Variants in OSBPL9 observed in about 807,000 individuals in gnomAD.
The protein encoded by OSBPL9 is oxysterol binding protein like 9.
OSBPL9 carries 40 observed loss-of-function variants against 106.6 expected under a neutral mutation model. That is an observed-to-expected ratio of 0.38 (90% CI 0.29 to 0.49). The LOEUF (loss-of-function observed/expected upper bound fraction) is 0.49. OSBPL9 is among the 20% of genes least tolerant of loss of function. OSBPL9 has a pLI of 0.97. For missense variants in OSBPL9, 609 were observed against 887.2 expected, an observed-to-expected ratio of 0.69 and a Z score of 3.98; for synonymous variants, 269 against 295.4, an observed-to-expected ratio of 0.91 and a Z score of 0.92.
intron 1 of OSBPL9, among the ~76,000 whole-genome samples, chr1:51,644,300 A>G (rs181943940): frequency 6.6e-6 from 1 of 152,184 alleles, no homozygotes; most frequent in South Asian, 2.1e-4. Flanking sequence ...AGACAGGATC[A>G]CGAGTTAGTT....
At chr1:51,757,749 A>AAAT (rs1670645006) in intron 9 of OSBPL9, among the ~76,000 whole-genome samples, 2 of 152,148 alleles carry the variant, frequency 1.3e-5, no homozygotes. Flanking sequence ...GCTTGGGTTC[A>AAAT]AATAAAATAG....
intron 1 of OSBPL9, among the ~76,000 whole-genome samples, chr1:51,593,910 A>ACACACG (rs1645288112): frequency 6.8e-6 from 1 of 147,436 alleles, no homozygotes; most frequent in Non-Finnish European, 1.5e-5. Context: ...GATTTCACAC[A>ACACACG]CACACACACA....
At chr1:51,604,448 C>T (rs534759356) in intron 2 of OSBPL9, among the ~76,000 whole-genome samples, 12 of 151,456 alleles carry the variant, frequency 7.9e-5, no homozygotes, top group East Asian at 5.9e-4. Flanking sequence ...CCCAGCTGCT[C>T]GGGAGGCTGA....
the OSBPL9 span, among the ~76,000 whole-genome samples, chr1:51,536,140 A>G: frequency 9.2e-5 from 14 of 152,312 alleles, no homozygotes; most frequent in African/African-American, 2.9e-4. Flanking sequence ...AAATCCAGAA[A>G]TTTTAAATTG....
At chr1:51,522,792 T>A in the OSBPL9 span, among the ~76,000 whole-genome samples, 1 of 152,188 alleles carries the variant, frequency 6.6e-6, no homozygotes, top group Non-Finnish European at 1.5e-5. Context: ...GTATGGATGG[T>A]TTAAGGATTA....
chr1:51,727,318 A>G (rs1163012849), intron 4 of OSBPL9, among the ~76,000 whole-genome samples: 1 of 152,060 alleles, frequency 6.6e-6, no homozygotes, highest in Non-Finnish European at 1.5e-5. Flanking sequence ...CCCCTCCACC[A>G]TTGTTTATAG....
At chr1:51,661,205 G>A (rs1210509873) in intron 2 of OSBPL9, among the ~76,000 whole-genome samples, 8 of 152,108 alleles carry the variant, frequency 5.3e-5, no homozygotes, top group African/African-American at 1.9e-4. Context: ...TTCCTTTTAG[G>A]AGCCTGTGAG....
chr1:51,638,471 G>A (rs1198016932), intron 1 of OSBPL9, among the ~76,000 whole-genome samples: 1 of 152,134 alleles, frequency 6.6e-6, no homozygotes, highest in Non-Finnish European at 1.5e-5. Flanking sequence ...TACATTCTGG[G>A]TGTGGTGGCT....
chr1:51,721,462 A>G (rs1222557366), intron 4 of OSBPL9, among the ~76,000 whole-genome samples: 1 of 152,148 alleles, frequency 6.6e-6, no homozygotes, highest in Non-Finnish European at 1.5e-5. Context: ...ATGTCTGCCC[A>G]ACTTTCGTTA....
Position 51,787,801 on chromosome 1 carries a change from CAA to C in OSBPL9, c.*14_*15del. The C allele has an allele frequency of 5.6e-6, 9 of 1,602,232 alleles. No individual in the cohort carries two copies. The highest frequency in any genetic ancestry group is 1.1e-5 in the South Asian group (1 of 90,774). ...CTGCCAAGCATTAGGTTGGAAGATG[CAA>C]AGTTTATACCTGATGATCAGGGCAG... On this transcript the variant is annotated 3_prime_UTR_variant, in exon 24 of 24. Coordinates refer to ENST00000428468, the MANE Select transcript of OSBPL9 (RefSeq NM_024586.6).
intron 3 of OSBPL9, among the ~76,000 whole-genome samples, chr1:51,688,479 T>A (rs375492177): frequency 6.6e-6 from 1 of 151,982 alleles, no homozygotes; most frequent in South Asian, 2.1e-4. Flanking sequence ...TACCAGGGCA[T>A]GGTGTTATGC....
At chr1:51,623,136 A>G (rs1250553484) in intron 1 of OSBPL9, among the ~76,000 whole-genome samples, 1 of 152,258 alleles carries the variant, frequency 6.6e-6, no homozygotes, top group Non-Finnish European at 1.5e-5. Context: ...GTTCTTAGGC[A>G]GAGCAGTTTC....
chr1:51,604,225 G>A (rs960524627), intron 2 of OSBPL9, among the ~76,000 whole-genome samples: 2 of 152,156 alleles, frequency 1.3e-5, no homozygotes, highest in South Asian at 4.1e-4. Context: ...GTAATGGGAC[G>A]CAAATACTGC....
chr1:51,524,441 A>G, the OSBPL9 span, among the ~76,000 whole-genome samples: 2 of 152,138 alleles, frequency 1.3e-5, 1 homozygote, highest in South Asian at 4.1e-4. Flanking sequence ...TCTCCTGTAA[A>G]CTAAAAGTAA....
the OSBPL9 span, among the ~76,000 whole-genome samples, chr1:51,532,637 A>C: frequency 6.6e-6 from 1 of 152,176 alleles, no homozygotes; most frequent in Non-Finnish European, 1.5e-5. Flanking sequence ...GTTTTTCTTC[A>C]TCCACTTTCC....
chr1:51,761,805 C>G (rs374531031), intron 10 of OSBPL9, 62 bp from the exon 11 acceptor site: 3 of 1,244,894 alleles, frequency 2.4e-6, no homozygotes, highest in East Asian at 4.7e-5. Context: ...CAGACAATTA[C>G]AGTCAATAGA....
At position 51,761,888 on chromosome 1, in the gene OSBPL9, C is replaced by A; in HGVS notation, c.695C>A (p.Ser232Ter). 1 of 1,613,530 alleles carries A rather than the reference C, an allele frequency of 6.2e-7. No homozygotes were observed. Among genetic ancestry groups the A allele is most frequent in the South Asian group, 1.1e-5 (1 of 91,060 alleles). The change falls in exon 11 of 24, where the codon TCA (serine) becomes TAA (stop). Residue 232 changes from serine (S) to a stop codon, truncating the protein, a stop_gained. Transcript: ENST00000428468. LOFTEE classifies it high-confidence loss of function. The stretch of plus-strand genomic sequence containing the variant: ...CTAGAACCTGTTCAGTTGTGTAAGT[C>A]AGAGCAGCGTCCATCTTCCCTACCA... ...LPPEPVQLCK[S>*]EQRPSSLPVG... is the part of the protein sequence containing the mutation.
intron 1 of OSBPL9, among the ~76,000 whole-genome samples, chr1:51,636,164 T>G (rs895598671): frequency 1.2e-4 from 17 of 138,338 alleles, no homozygotes; most frequent in South Asian, 4.6e-4. Flanking sequence ...TTTTTTTTTT[T>G]TTTTTTTTTT....
At chr1:51,700,458 T>G (rs1656990764) in intron 3 of OSBPL9, among the ~76,000 whole-genome samples, 1 of 152,250 alleles carries the variant, frequency 6.6e-6, no homozygotes, top group Non-Finnish European at 1.5e-5. Flanking sequence ...TTGCTTTTAG[T>G]TGTAATAGTT....
Sources: gnomAD v4.1 joint callset for allele counts (sites outside exome capture counted in the v4.1 genomes callset) on GRCh38, gnomAD v4.1.1 for gene constraint, MANE v1.5 for transcripts, NCBI Gene and HGNC (gene_info 2026-07-23, HGNC 2026-07-21) for gene names.